The following TTC34 variants were observed in gnomAD, a reference collection of about 807,000 sequenced individuals.
The protein encoded by TTC34 is tetratricopeptide repeat domain 34.
TTC34 carries 44 observed loss-of-function variants against 40.7 expected under a neutral mutation model. The ratio of observed to expected loss-of-function variants is 1.08; its 90% CI spans 0.85 to 1.39. The LOEUF is 1.39. Ranked by LOEUF, TTC34 falls within the 40% of genes most tolerant of loss-of-function variation. The pLI, the probability that TTC34 is intolerant of heterozygous loss-of-function variation, is 0.00. For synonymous variants in TTC34, 422 were observed against 398.6 expected (o/e 1.06, Z -0.70); for missense variants, 884 against 838.0 (o/e 1.05, Z -0.68).
At chr1:2,779,895 CTGTT>C (rs1416610036) in intron 6 of TTC34, among the ~76,000 whole-genome samples, 2 of 152,098 alleles carry the variant, frequency 1.3e-5, no homozygotes, top group Non-Finnish European at 1.5e-5. Flanking sequence ...TGAGAAATGT[CTGTT>C]TAAGTCCTTT....
intron 6 of TTC34, among the ~76,000 whole-genome samples, chr1:2,772,686 T>C (rs895767613): frequency 5.1e-3 from 29 of 5,738 alleles, no homozygotes; most frequent in East Asian, 0.029. Context: ...GGAACAGAAC[T>C]CCACACCCAC....
exon 5 of TTC34, chr1:2,785,958 G>A: frequency 1.3e-6 from 2 of 1,518,216 alleles, no homozygotes; most frequent in African/African-American, 1.4e-5. Context: ...GGTCCTCGTG[G>A]CAGAAGACGT....
chr1:2,690,946 G>C (rs111425472), intron 6 of TTC34, among the ~76,000 whole-genome samples: 3 of 71,972 alleles, frequency 4.2e-5, no homozygotes, highest in South Asian at 4.3e-4. Context: ...CACACCTCCA[G>C]GTGAGCATCT....
intron 6 of TTC34, among the ~76,000 whole-genome samples, chr1:2,756,659 A>T (rs1641515977): frequency 1.8e-4 from 27 of 151,430 alleles, no homozygotes; most frequent in African/African-American, 5.1e-4. Flanking sequence ...CTGGAACAGC[A>T]CCCACACCCC....
intron 6 of TTC34, among the ~76,000 whole-genome samples, chr1:2,687,929 C>A: frequency 6.7e-6 from 1 of 148,990 alleles, no homozygotes; most frequent in African/African-American, 2.4e-5. Context: ...ACCCACACGC[C>A]CAGGTGAGCC....
chr1:2,757,665 C>T (rs1641551774), intron 6 of TTC34, among the ~76,000 whole-genome samples: 1 of 145,926 alleles, frequency 6.9e-6, no homozygotes, highest in African/African-American at 2.6e-5. Flanking sequence ...GGAGCAGGAC[C>T]CACACCCCTA....
chr1:2,677,852 C>G (rs1362770210), intron 6 of TTC34, among the ~76,000 whole-genome samples: 1 of 39,526 alleles, frequency 2.5e-5, no homozygotes, highest in Non-Finnish European at 4.6e-5. Flanking sequence ...GCACCCACAC[C>G]CACAGGTGAG....
chr1:2,776,101 A>C (rs149476704), intron 6 of TTC34: 6 of 139,460 alleles, frequency 4.3e-5, no homozygotes, highest in Admixed American at 1.4e-4. Flanking sequence ...TAAGAATTTG[A>C]TAAGTGGGAA....
intron 6 of TTC34, among the ~76,000 whole-genome samples, chr1:2,651,660 C>G (rs1267326855): frequency 1.3e-5 from 2 of 151,840 alleles, no homozygotes; most frequent in East Asian, 3.9e-4. Context: ...CATCTGACAG[C>G]CTGGGAAGTC....
intron 6 of TTC34, among the ~76,000 whole-genome samples, chr1:2,752,479 A>G (rs1641354870): frequency 4.1e-5 from 6 of 145,838 alleles, no homozygotes; most frequent in African/African-American, 7.7e-5. Context: ...ACAGCCTGGA[A>G]CAGCACCCAC....
chr1:2,784,742 TTAA>T (rs1259431202), intron 5 of TTC34, among the ~76,000 whole-genome samples: 2 of 152,360 alleles, frequency 1.3e-5, no homozygotes, highest in African/African-American at 4.8e-5. Context: ...AAGCTAATGA[TTAA>T]TAATGATTAA....
At chr1:2,683,768 C>A (rs1640191160) in intron 6 of TTC34, among the ~76,000 whole-genome samples, 2 of 150,672 alleles carry the variant, frequency 1.3e-5, no homozygotes, top group Non-Finnish European at 2.9e-5. Flanking sequence ...AGGTGAGCAT[C>A]TGACAGGCTG....
chr1:2,785,447 G>T (rs1257988769), intron 5 of TTC34, among the ~76,000 whole-genome samples: 1 of 152,184 alleles, frequency 6.6e-6, no homozygotes, highest in Middle Eastern at 3.2e-3. Context: ...GTGCATAGGA[G>T]GAGCCTGTCA....
chr1:2,653,303 T>G (rs1570755941), intron 6 of TTC34, among the ~76,000 whole-genome samples: 1 of 139,380 alleles, frequency 7.2e-6, no homozygotes, highest in Admixed American at 7.3e-5. Flanking sequence ...GGTGAGCATC[T>G]GACAGCCTGG....
intron 6 of TTC34, among the ~76,000 whole-genome samples, chr1:2,683,447 C>G (rs1640171814): frequency 6.7e-6 from 1 of 149,400 alleles, no homozygotes; most frequent in Non-Finnish European, 1.5e-5. Context: ...AGGTGAGCAT[C>G]CGACAGCCTG....
In TTC34 at chr1:2,749,703, C is replaced by A. The variant is rs1298047466; in HGVS notation, c.2226+33906G>T. Among the ~76,000 whole-genome samples the A allele has an allele frequency of 5.4e-5, 3 of 55,752 alleles. 1 individual carries two copies. Among genetic ancestry groups the A allele is most frequent in the African/African-American group, 2.9e-4 (3 of 10,508 alleles). The allele number at this position is 55,752 out of a possible 152,430, so 36.6% of individuals were successfully genotyped here. On this transcript the variant is annotated intron_variant, in intron 6 of 8. Transcript: ENST00000401095. ...CCTGCACACCCAGGTGAGCATCTGA[C>A]AGTCTGGAACAGCACGCACAACCCC...
chr1:2,688,102 GT>G (rs2100349519), intron 6 of TTC34, among the ~76,000 whole-genome samples: 2 of 128,244 alleles, frequency 1.6e-5, no homozygotes, highest in East Asian at 2.4e-4. Context: ...AGGTGCGCAC[GT>G]GACAGCCTGG....
chr1:2,757,622 C>T (rs2100451758), intron 6 of TTC34, among the ~76,000 whole-genome samples: 1 of 146,672 alleles, frequency 6.8e-6, no homozygotes, highest in Middle Eastern at 3.4e-3. Flanking sequence ...CCTGGAACAG[C>T]ACCCACACCC....
At chr1:2,769,830 C>A (rs1642006453) in intron 6 of TTC34, among the ~76,000 whole-genome samples, 1 of 77,648 alleles carries the variant, frequency 1.3e-5, no homozygotes, top group Non-Finnish European at 2.6e-5. Flanking sequence ...CAGGCGCCCA[C>A]AATCCCAGGT....
Sources: gnomAD v4.1 joint callset for allele counts (sites outside exome capture counted in the v4.1 genomes callset) on GRCh38, gnomAD v4.1.1 for gene constraint, MANE v1.5 for transcripts, NCBI Gene and HGNC (gene_info 2026-07-23, HGNC 2026-07-21) for gene names.